The following STAT5B variants were observed in gnomAD, a reference collection of about 807,000 sequenced individuals.
STAT5B encodes transcription factor STAT5B.
STAT5B carries 21 observed loss-of-function variants against 107.8 expected under a neutral mutation model. The ratio of observed to expected loss-of-function variants is 0.19; its 90% CI spans 0.14 to 0.28. The LOEUF is 0.28. STAT5B is among the 10% of genes least tolerant of loss of function. The pLI is 1.00. For synonymous variants in STAT5B, 325 were observed against 401.7 expected (o/e 0.81, Z 2.28); for missense variants, 565 against 1,008.2 (o/e 0.56, Z 5.95).
At chr17:42,262,003 A>C (rs1373759015) in intron 1 of STAT5B, among the ~76,000 whole-genome samples, 2 of 152,172 alleles carry the variant, frequency 1.3e-5, no homozygotes, top group Non-Finnish European at 2.9e-5. Flanking sequence ...CCTGGCCTAA[A>C]ATAGATTTTT....
chr17:42,272,415 T>C (rs1202867051), intron 1 of STAT5B: 3 of 152,204 alleles, frequency 2.0e-5, no homozygotes, highest in Non-Finnish European at 2.9e-5. Flanking sequence ...GTTTCAACTC[T>C]ATCTTAGTGC....
At chr17:42,227,231 A>G (rs1349746101) in intron 3 of STAT5B, among the ~76,000 whole-genome samples, 1 of 151,754 alleles carries the variant, frequency 6.6e-6, no homozygotes, top group East Asian at 1.9e-4. Context: ...CTTACTCTCC[A>G]GTGACTGAAA....
chr17:42,284,035 T>C, the STAT5B span, among the ~76,000 whole-genome samples: 3 of 152,068 alleles, frequency 2.0e-5, no homozygotes, highest in African/African-American at 7.2e-5. Context: ...GGAAGGCCCT[T>C]CACCCCTACC....
At chr17:42,235,433 GA>G (rs1444008154) in intron 1 of STAT5B, 4 of 151,722 alleles carry the variant, frequency 2.6e-5, no homozygotes, top group Non-Finnish European at 5.9e-5. Flanking sequence ...ATATCAGTAT[GA>G]AACACCAAGG....
chr17:42,287,226 A>T, the STAT5B span, among the ~76,000 whole-genome samples: 1 of 152,078 alleles, frequency 6.6e-6, no homozygotes, highest in Non-Finnish European at 1.5e-5. Flanking sequence ...TGAAGTTAAA[A>T]GAATGAAACT....
intron 1 of STAT5B, among the ~76,000 whole-genome samples, chr17:42,253,124 CTTT>C (rs2080513368): frequency 5.9e-5 from 9 of 152,088 alleles, no homozygotes; most frequent in African/African-American, 2.2e-4. Flanking sequence ...TTCTTTCTTT[CTTT>C]CTTTCTTTCT....
intron 1 of STAT5B, among the ~76,000 whole-genome samples, chr17:42,233,488 C>CT (rs1170989753): frequency 0.016 from 2,182 of 139,134 alleles, 56 homozygotes; most frequent in African/African-American, 0.05. Context: ...CAGGTAGTTT[C>CT]TTTTTTTTTT....
upstream of STAT5B, among the ~76,000 whole-genome samples, chr17:42,279,026 G>A (rs2080784362): frequency 6.6e-6 from 1 of 151,026 alleles, no homozygotes; most frequent in African/African-American, 2.4e-5. Context: ...TATATTGCCT[G>A]GGCTGTTCAA....
intron 12 of STAT5B, chr17:42,214,579 G>A (rs2080155459): frequency 1.5e-5 from 15 of 985,326 alleles, no homozygotes; most frequent in Non-Finnish European, 1.7e-5. Context: ...ATGAGCTGTT[G>A]AACTAACAGT....
intron 13 of STAT5B, 41 bp downstream of exon 13, chr17:42,211,943 G>C: frequency 6.3e-7 from 1 of 1,575,816 alleles, no homozygotes; most frequent in African/African-American, 1.4e-5. Flanking sequence ...ATCTGGTTGG[G>C]AAGGACTGAT....
chr17:42,214,478 G>A (rs1274059407), intron 12 of STAT5B: 10 of 985,228 alleles, frequency 1.0e-5, no homozygotes, highest in Non-Finnish European at 1.1e-5. Context: ...GTTGGGAAAC[G>A]TTAAGCCTCT....
At chr17:42,249,913 CG>C (rs903678400) in intron 1 of STAT5B, among the ~76,000 whole-genome samples, 2 of 152,120 alleles carry the variant, frequency 1.3e-5, no homozygotes, top group African/African-American at 2.4e-5. Context: ...CCACCCACCT[CG>C]GCCCTCCAAA....
chr17:42,219,189 G>A, intron 7 of STAT5B, 123 bp downstream of exon 7: 4 of 1,379,720 alleles, frequency 2.9e-6, no homozygotes, highest in South Asian at 1.5e-5. Flanking sequence ...CAGGCTCCCT[G>A]GAGAAACAAG....
intron 1 of STAT5B, among the ~76,000 whole-genome samples, chr17:42,262,864 ATGTG>A (rs1382801562): frequency 2.4e-5 from 3 of 126,296 alleles, no homozygotes; most frequent in Admixed American, 8.1e-5. Context: ...ACACACATAT[ATGTG>A]TGTGTATATA....
chr17:42,252,001 AAAAAAAAAAAAAG>A (rs1414633211), intron 1 of STAT5B, among the ~76,000 whole-genome samples: 5 of 151,056 alleles, frequency 3.3e-5, no homozygotes, highest in Admixed American at 2.6e-4. Context: ...TCCGTCTCAA[AAAAAAAAAAAAAG>A]AAAAAAAGAA....
At chr17:42,217,934 G>A (rs2080187107) in intron 9 of STAT5B, 2 of 705,922 alleles carry the variant, frequency 2.8e-6, no homozygotes, top group Non-Finnish European at 4.6e-6. Flanking sequence ...TTGAACTCCT[G>A]ACCTCAGGTG....
intron 12 of STAT5B, among the ~76,000 whole-genome samples, chr17:42,213,908 G>A (rs553558245): frequency 9.9e-5 from 15 of 151,266 alleles, no homozygotes; most frequent in African/African-American, 3.4e-4. Flanking sequence ...TTGGGAGGCC[G>A]AGGTGGGTGG....
chr17:42,245,226 C>T (rs555823181), intron 1 of STAT5B, among the ~76,000 whole-genome samples: 34 of 151,316 alleles, frequency 2.2e-4, no homozygotes, highest in Non-Finnish European at 4.1e-4. Flanking sequence ...TACAGGCACG[C>T]GCCACCATGC....
intron 12 of STAT5B, among the ~76,000 whole-genome samples, chr17:42,212,568 T>C (rs554781641): frequency 6.6e-6 from 1 of 152,296 alleles, no homozygotes; most frequent in Non-Finnish European, 1.5e-5. Flanking sequence ...AGAGAGAGTG[T>C]GCGTATGTGT....
Sources: allele counts gnomAD v4.1 joint callset (sites outside exome capture counted in the v4.1 genomes callset), GRCh38; gene constraint gnomAD v4.1.1; transcripts MANE v1.5; gene names NCBI Gene and HGNC (gene_info 2026-07-23, HGNC 2026-07-21).